The following SNF8 variants were observed in gnomAD, a reference collection of about 807,000 sequenced individuals.
SNF8 encodes vacuolar-sorting protein SNF8.
Under a neutral mutation model 36.8 loss-of-function variants are expected in SNF8, and 19 were observed. The observed-to-expected ratio is 0.52, with a 90% CI of 0.36 to 0.76. SNF8 has a LOEUF of 0.76. Among genes scored for constraint, SNF8 ranks in the 30% least tolerant of loss-of-function variants. SNF8 has a pLI of 0.00. For synonymous variants in SNF8, 127 were observed against 127.4 expected, an observed-to-expected ratio of 1.00 and a Z score of 0.02; for missense variants, 268 against 322.9, an observed-to-expected ratio of 0.83 and a Z score of 1.30.
intron 5 of SNF8, among the ~76,000 whole-genome samples, chr17:48,934,324 T>C (rs1032005916): frequency 6.6e-6 from 1 of 152,072 alleles, no homozygotes; most frequent in African/African-American, 2.4e-5. Context: ...CCTTTTTTTT[T>C]TTTTTAGGAG....
chr17:48,934,257 ACCCTCTCTTCATGAAATCT>A (rs2040902379), intron 5 of SNF8, among the ~76,000 whole-genome samples: 1 of 151,764 alleles, frequency 6.6e-6, no homozygotes, highest in Admixed American at 6.6e-5. Context: ...TCAAATGCTC[ACCCTCTCTTCATGAAATCT>A]GCAATGAGTA....
At chr17:48,933,433 CAG>C (rs3837847) in intron 5 of SNF8, 87 bp from the exon 6 acceptor site, 742,705 of 1,473,378 alleles carry the variant, frequency 0.5, 196,376 homozygotes, top group East Asian at 0.72. Flanking sequence ...AGGATACTGA[CAG>C]AAAATTTAGA....
intron 3 of SNF8, among the ~76,000 whole-genome samples, chr17:48,939,267 G>GAA (rs57826158): frequency 5.8e-4 from 53 of 91,484 alleles, no homozygotes; most frequent in African/African-American, 1.4e-3. Context: ...TCTGTCTCAA[G>GAA]AAAAAAAAAA....
At chr17:48,938,741 T>C (rs2040976128) in intron 3 of SNF8, among the ~76,000 whole-genome samples, 1 of 151,290 alleles carries the variant, frequency 6.6e-6, no homozygotes, top group Non-Finnish European at 1.5e-5. Flanking sequence ...TGGTGGCACA[T>C]GCCTATAGTC....
At position 48,944,766 on chromosome 17, in the gene SNF8, C is replaced by T; in HGVS notation, c.-32G>A. 6.3e-7 allele frequency: 1 copy of T among 1,583,122 alleles called. No individual in the cohort carries two copies. The highest frequency in any genetic ancestry group is 1.1e-5 in the South Asian group (1 of 88,874). On this transcript the variant is annotated 5_prime_UTR_variant, in exon 1 of 8. Coordinates refer to ENST00000502492, the MANE Select transcript of SNF8 (RefSeq NM_007241.4). ...CCTGGGCCCGCGGGCCGCCCGGCTGCCGGGACCCCGGGTCTCCACGTCCCG... is the reference window on the plus strand; with the variant it reads ...CCTGGGCCCGCGGGCCGCCCGGCTGTCGGGACCCCGGGTCTCCACGTCCCG...
intron 5 of SNF8, 105 bp downstream of exon 5, chr17:48,936,065 C>A: frequency 1.3e-6 from 1 of 763,846 alleles, no homozygotes; most frequent in Non-Finnish European, 2.2e-6. Context: ...GGAGATCATA[C>A]AGATTTCTAA....
chr17:48,942,840 AC>A (rs2041049141), intron 2 of SNF8, among the ~76,000 whole-genome samples: 1 of 95,998 alleles, frequency 1.0e-5, no homozygotes, highest in Non-Finnish European at 2.0e-5. Context: ...TAGCCACCGC[AC>A]CCGGCCTTTT....
chr17:48,930,415 AG>A lies in SNF8; in HGVS notation c.*59del, dbSNP rs2040839662. 2.1e-6 allele frequency: 3 copies of A among 1,412,710 alleles called. No individual in the cohort carries two copies. The highest frequency in any genetic ancestry group is 2.8e-6 in the Non-Finnish European group (3 of 1,072,122). The allele number at this position is 1,412,710 out of a possible 1,614,324, so 87.5% of individuals were successfully genotyped here. On this transcript the variant is annotated 3_prime_UTR_variant, in exon 8 of 8. Transcript: ENST00000502492. Reference sequence around the variant, plus strand: ...ATTTTTTGTATAAACAAAATTGCCCAGGTTTATTTGCCACCTCCGCCTCCTC... The same window carrying A: ...ATTTTTTGTATAAACAAAATTGCCCAGTTTATTTGCCACCTCCGCCTCCTC...
intron 3 of SNF8, among the ~76,000 whole-genome samples, chr17:48,937,754 T>C (rs903804292): frequency 1.3e-5 from 2 of 151,622 alleles, no homozygotes; most frequent in African/African-American, 4.8e-5. Context: ...AGTGAAACCC[T>C]GTCTCTACTA....
At chr17:48,931,287 A>G (rs1439583777) in intron 7 of SNF8, among the ~76,000 whole-genome samples, 2 of 152,234 alleles carry the variant, frequency 1.3e-5, no homozygotes, top group Non-Finnish European at 2.9e-5. Flanking sequence ...ATAATTAGAT[A>G]TGTAATTAAC....
intron 3 of SNF8, among the ~76,000 whole-genome samples, chr17:48,938,488 C>T (rs1382854398): frequency 8.3e-6 from 1 of 120,404 alleles, no homozygotes; most frequent in Admixed American, 1.0e-4. Flanking sequence ...AAGAGCAAAA[C>T]TCCATCTCAA....
intron 3 of SNF8, among the ~76,000 whole-genome samples, chr17:48,938,286 C>G (rs974623350): frequency 1.3e-5 from 2 of 149,592 alleles, no homozygotes; most frequent in African/African-American, 2.5e-5. Context: ...CACCTGAGGT[C>G]AGGAGTTCGA....
chr17:48,931,163 G>A lies in SNF8; in HGVS notation c.639+480C>T, dbSNP rs1014925415. 9.2e-5 allele frequency among the ~76,000 whole-genome samples: 14 copies of A among 152,302 alleles called. 3 individuals carry two copies. Among genetic ancestry groups the A allele is most frequent in the Admixed American group, 7.8e-4 (12 of 15,300 alleles). Reference sequence around the variant, plus strand: ...TGAATTGTTTGGATAAGGAAAAAAGGTACTGAAGCCGGAGTTCTTACATTG... The same window carrying A: ...TGAATTGTTTGGATAAGGAAAAAAGATACTGAAGCCGGAGTTCTTACATTG... On this transcript the variant is annotated intron_variant, in intron 7 of 7. Coordinates refer to ENST00000502492, the MANE Select transcript of SNF8 (RefSeq NM_007241.4).
chr17:48,931,682 G>A lies in SNF8; in HGVS notation c.600C>T (p.Ala200=). The stretch of plus-strand genomic sequence containing the variant: ...CTCGCTCGGTCTCCCATTTAAGACT[G>A]GCTTTGATCTCACTGACAGTCACGT... ...NGYVTVSEIK[A]SLKWETERAR... The change falls in exon 7 of 8, where the codon GCC becomes GCT. Residue 200 remains alanine, a synonymous_variant. Coordinates refer to ENST00000502492, the MANE Select transcript of SNF8 (RefSeq NM_007241.4). 6.2e-7 allele frequency: 1 copy of A among 1,613,380 alleles called. No homozygotes were observed. The highest frequency in any genetic ancestry group is 8.5e-7 in the Non-Finnish European group (1 of 1,179,682).
In SNF8 at chr17:48,929,870, G is replaced by A. The variant is rs1198409147; in HGVS notation, c.*605C>T. Reference sequence around the variant, plus strand: ...AGGGACCTGGCAATCACTACAGGAGGGTGAGAAAGCTAGTAGGGAATTTAA... The same window carrying A: ...AGGGACCTGGCAATCACTACAGGAGAGTGAGAAAGCTAGTAGGGAATTTAA... On this transcript the variant is annotated 3_prime_UTR_variant, in exon 8 of 8. Transcript: ENST00000502492. The A allele has an allele frequency of 6.6e-6, 1 of 152,146 alleles. No homozygotes were observed. The highest frequency in any genetic ancestry group is 1.5e-5 in the Non-Finnish European group (1 of 68,034). 9.4% of individuals were successfully genotyped at this position (152,146 alleles called of 1,614,324 possible).
intron 7 of SNF8, among the ~76,000 whole-genome samples, chr17:48,931,191 C>A (rs1421192370): frequency 6.6e-6 from 1 of 152,134 alleles, no homozygotes; most frequent in Non-Finnish European, 1.5e-5. Flanking sequence ...TTACATTGCT[C>A]CCTCTTCACA....
At chr17:48,933,162 G>T in intron 6 of SNF8, 43 bp downstream of exon 6, 1 of 1,604,924 alleles carries the variant, frequency 6.2e-7, no homozygotes, top group South Asian at 1.1e-5. Context: ...TTGCCTCACA[G>T]ACTGTCCCTT....
At chr17:48,938,949 ATT>A (rs1289313828) in intron 3 of SNF8, among the ~76,000 whole-genome samples, 6 of 151,704 alleles carry the variant, frequency 4.0e-5, no homozygotes, top group Non-Finnish European at 8.8e-5. Context: ...ATTGTTATTC[ATT>A]GTTTGAGATA....
intron 3 of SNF8, among the ~76,000 whole-genome samples, chr17:48,938,260 G>A (rs1441219814): frequency 6.6e-6 from 1 of 152,080 alleles, no homozygotes; most frequent in Non-Finnish European, 1.5e-5. Context: ...ACTTTGGGAG[G>A]CAGAGGCAGG....
Sources: allele counts gnomAD v4.1 joint callset (sites outside exome capture counted in the v4.1 genomes callset), GRCh38; gene constraint gnomAD v4.1.1; transcripts MANE v1.5; gene names NCBI Gene and HGNC (gene_info 2026-07-23, HGNC 2026-07-21).